ZNF655: variants seen among roughly 807,000 people sequenced by gnomAD.
ZNF655 encodes Vav-interacting Kruppel-like protein 1.
Under a neutral mutation model 6.6 loss-of-function variants are expected in ZNF655, and 3 were observed. The ratio of observed to expected loss-of-function variants is 0.46; its 90% confidence interval spans 0.21 to 1.18. ZNF655 has a LOEUF of 1.18. Ranked by LOEUF, ZNF655 falls within the 50% of genes most tolerant of loss-of-function variation. The probability of loss-of-function intolerance (pLI) is 0.24; values close to 1 mark genes in which losing one functional copy is unlikely to be tolerated. For missense variants in ZNF655, 526 were observed against 572.3 expected (o/e 0.92, Z 0.83); for synonymous variants, 178 against 195.0 (o/e 0.91, Z 0.73).
chr7:99,560,079 CTTTTTTTTCTTTTTT>C (rs1802985074), intron 1 of ZNF655, among the ~76,000 whole-genome samples: 1 of 146,560 alleles, frequency 6.8e-6, no homozygotes, highest in African/African-American at 2.5e-5. Flanking sequence ...ATTTCTTTTT[CTTTTTTTTCTTTTTT>C]TTTTTTTTGG....
chr7:99,562,089 G>A (rs1803231161), intron 2 of ZNF655: 4 of 946,954 alleles, frequency 4.2e-6, no homozygotes, highest in Non-Finnish European at 6.0e-6. Context: ...GCAGACTCCA[G>A]TTTGGGAATT....
At chr7:99,562,761 A>G (rs1006649144) in intron 2 of ZNF655, among the ~76,000 whole-genome samples, 7 of 151,814 alleles carry the variant, frequency 4.6e-5, no homozygotes, top group African/African-American at 1.7e-4. Context: ...GCAAAGGGAA[A>G]CTTTCTTGTG....
rs369278529 is a variant in ZNF655, at chr7:99,564,019, T to C, written c.136+3324T>C. 1.7e-5 allele frequency: 28 copies of C among 1,613,026 alleles called. No homozygotes were observed. The African/African-American group carries it at 2.8e-4, about 16-fold the overall frequency. On this transcript the variant is annotated intron_variant, in intron 2 of 2. Coordinates refer to ENST00000252713, the MANE Select transcript of ZNF655 (RefSeq NM_138494.3). ...CCCAAGTATCGGCTTCCCATCGATA[T>C]TGCTCGTCCCTGCTCGGAAACTCCT... is the stretch of plus-strand genomic sequence containing the variant.
In ZNF655 at chr7:99,572,252, G is replaced by A. The variant is rs761121277; in HGVS notation, c.144G>A (p.Glu48=). The A allele has an allele frequency of 6.9e-6, 11 of 1,599,470 alleles. No individual in the cohort carries two copies. ...ATTTATATATTGTATCAGATGGAGA[G>A]ACCAGAGAAGAGAACAAGCTGTTGA... ...DMEQGLTGDG[E]TREENKLLIP... Residue 48 remains glutamate, a synonymous_variant, in exon 3 of 3, where the codon GAG becomes GAA. Transcript: ENST00000252713.
chr7:99,560,453 T>C (rs1803040180), intron 1 of ZNF655, 80 bp from the exon 2 acceptor site: 1 of 1,379,138 alleles, frequency 7.3e-7, no homozygotes, highest in Non-Finnish European at 9.8e-7. Flanking sequence ...GTGTGTAAGA[T>C]CCTTTGCAAA....
intron 2 of ZNF655, chr7:99,561,921 G>C: frequency 1.3e-6 from 2 of 1,594,120 alleles, no homozygotes; most frequent in Non-Finnish European, 1.7e-6. Context: ...GCTCTTCCCC[G>C]TGAGGGAAGC....
chr7:99,564,506 C>G (rs772236682), intron 2 of ZNF655: 26 of 986,354 alleles, frequency 2.6e-5, no homozygotes, highest in Non-Finnish European at 1.2e-6. Context: ...CAGATTGATG[C>G]AATTATATTG....
At chr7:99,566,494 G>A (rs111331453) in intron 2 of ZNF655, among the ~76,000 whole-genome samples, 2 of 152,206 alleles carry the variant, frequency 1.3e-5, no homozygotes, top group African/African-American at 4.8e-5. Context: ...GAAGAAAAGC[G>A]TGAAGCTTTC....
intron 2 of ZNF655, chr7:99,562,446 C>G (rs1803267226): frequency 1.9e-6 from 3 of 1,614,160 alleles, no homozygotes; most frequent in South Asian, 1.1e-5. Flanking sequence ...TCAGAGGGAC[C>G]TCTACAGAGA....
At chr7:99,560,210 G>A (rs554103264) in intron 1 of ZNF655, among the ~76,000 whole-genome samples, 1 of 150,172 alleles carries the variant, frequency 6.7e-6, no homozygotes, top group South Asian at 2.1e-4. Flanking sequence ...TCAGCCTCCC[G>A]AATAGCTGGG....
At position 99,573,058 on chromosome 7, in the gene ZNF655, A is replaced by T. The variant is rs768280968; in HGVS notation, c.950A>T (p.His317Leu). 3 of 1,614,046 alleles carry T rather than the reference A, an allele frequency of 1.9e-6. 1 individual carries two copies. Among genetic ancestry groups the T allele is most frequent in the Non-Finnish European group, 2.5e-6 (3 of 1,180,016 alleles). Residue 317 changes from histidine (H) to leucine (L), a missense_variant, in exon 3 of 3, where the codon CAC becomes CTC. Physicochemically the swap from His to Leu is moderately conservative, Grantham distance 99. Transcript: ENST00000252713. ...GAAAGAGTCTTCAGTCGTAGTGTCC[A>T]CCTTACTCAACATCAGAAAATTCAC... ...SCERVFSRSV[H>L]LTQHQKIHKE...
chr7:99,564,173 C>G (rs1803452309), intron 2 of ZNF655: 2 of 1,433,762 alleles, frequency 1.4e-6, no homozygotes, highest in Non-Finnish European at 1.8e-6. Context: ...CAAGGAAGCC[C>G]TCTGTTGCAA....
At position 99,575,663 on chromosome 7, in the gene ZNF655, A is replaced by G. The variant is rs1484621053; in HGVS notation, c.*2079A>G. On this transcript the variant is annotated 3_prime_UTR_variant, in exon 3 of 3. Transcript: ENST00000252713. Reference sequence around the variant, plus strand: ...TTCGTATGTTAATCTCAGAGACAGTATTTCAAGAGAGTGGCAGGTCTGTTC... The same window carrying G: ...TTCGTATGTTAATCTCAGAGACAGTGTTTCAAGAGAGTGGCAGGTCTGTTC... 6.6e-6 allele frequency: 1 copy of G among 152,204 alleles called. No homozygotes were observed. Among genetic ancestry groups the G allele is most frequent in the Non-Finnish European group, 1.5e-5 (1 of 68,036 alleles). The allele number at this position is 152,204 out of a possible 1,614,324, so 9.4% of individuals were successfully genotyped here.
At chr7:99,567,750 A>G (rs1304819777) in intron 2 of ZNF655, among the ~76,000 whole-genome samples, 1 of 152,112 alleles carries the variant, frequency 6.6e-6, no homozygotes, top group African/African-American at 2.4e-5. Flanking sequence ...ACAGGATTGA[A>G]TTAGATTATG....
intron 2 of ZNF655, 55 bp downstream of exon 2, chr7:99,560,750 G>T (rs376031790): frequency 3.3e-5 from 53 of 1,590,116 alleles, no homozygotes; most frequent in Non-Finnish European, 4.5e-5. Flanking sequence ...AGGGGCTCCC[G>T]AGGGGGCTCC....
intron 2 of ZNF655, among the ~76,000 whole-genome samples, chr7:99,566,206 T>C (rs927491144): frequency 2.0e-5 from 3 of 152,224 alleles, no homozygotes; most frequent in African/African-American, 7.2e-5. Context: ...GATCTGCCTC[T>C]GAAGCCCCTG....
chr7:99,562,349 C>T, intron 2 of ZNF655: 1 of 1,613,408 alleles, frequency 6.2e-7, no homozygotes. Flanking sequence ...CTCAGAGCAG[C>T]CAGGATGTGT....
In ZNF655 at chr7:99,559,785, ATTTTTTTT is replaced by A. The variant is rs60274417; in HGVS notation, c.-27-732_-27-725del. ...TGGAACTACAGGCCTGGGCCACCTA[ATTTTTTTT>A]TTTTTTTTTTTTTTTGTAGGGACGG... On this transcript the variant is annotated intron_variant, in intron 1 of 2. Coordinates refer to ENST00000252713, the MANE Select transcript of ZNF655 (RefSeq NM_138494.3). Among the ~76,000 whole-genome samples, 7 of 119,264 alleles carry A rather than the reference ATTTTTTTT, an allele frequency of 5.9e-5. No individual in the cohort carries two copies. In the East Asian group the frequency reaches 6.9e-4, roughly 12 times the overall value. The allele number at this position is 119,264 out of a possible 152,430, so 78.2% of individuals were successfully genotyped here. A position where few individuals can be genotyped will look rare whatever the true frequency, so the allele number is the denominator to read the frequency against.
At chr7:99,566,005 G>C (rs1162666544) in intron 2 of ZNF655, among the ~76,000 whole-genome samples, 1 of 149,664 alleles carries the variant, frequency 6.7e-6, no homozygotes, top group African/African-American at 2.5e-5. Flanking sequence ...CACACACACA[G>C]ACATAGGACA....
Sources: gnomAD v4.1 joint callset for allele counts (sites outside exome capture counted in the v4.1 genomes callset) on GRCh38, gnomAD v4.1.1 for gene constraint, MANE v1.5 for transcripts, NCBI Gene and HGNC (gene_info 2026-07-23, HGNC 2026-07-21) for gene names.